KPNA3: variants seen among roughly 807,000 people sequenced by gnomAD.
KPNA3 encodes importin subunit alpha-4.
Under a neutral mutation model 73.8 loss-of-function variants are expected in KPNA3, and 13 were observed. That is an observed-to-expected ratio of 0.18 (90% CI 0.11 to 0.28). KPNA3 has a LOEUF of 0.28. Among genes scored for constraint, KPNA3 ranks in the 10% least tolerant of loss-of-function variants. The probability of loss-of-function intolerance (pLI) is 1.00; values close to 1 mark genes in which losing one functional copy is unlikely to be tolerated. For synonymous variants in KPNA3, 186 were observed against 206.9 expected (o/e 0.90, Z 0.87); for missense variants, 360 against 618.1 (o/e 0.58, Z 4.43).
intron 1 of KPNA3, among the ~76,000 whole-genome samples, chr13:49,769,106 G>C (rs1234372914): frequency 6.6e-6 from 1 of 152,092 alleles, no homozygotes. Flanking sequence ...AAAAATTAAT[G>C]TATTTTGTCC....
At chr13:49,791,963 G>C (rs572019678) in intron 1 of KPNA3, among the ~76,000 whole-genome samples, 1 of 152,354 alleles carries the variant, frequency 6.6e-6, no homozygotes, top group South Asian at 2.1e-4. Context: ...CTCGCAGAAG[G>C]TAGGAGCCCG....
At chr13:49,705,258 C>G (rs1049999379) in intron 15 of KPNA3, among the ~76,000 whole-genome samples, 4 of 151,270 alleles carry the variant, frequency 2.6e-5, no homozygotes, top group African/African-American at 9.7e-5. Context: ...ACCTGGGAGG[C>G]TGAGGTGTGA....
chr13:49,729,187 TC>T (rs1204898562), intron 6 of KPNA3, among the ~76,000 whole-genome samples: 3 of 152,122 alleles, frequency 2.0e-5, no homozygotes, highest in African/African-American at 4.8e-5. Context: ...TTTTAAAATT[TC>T]CCCTGTATAT....
At chr13:49,782,633 C>G (rs552344520) in intron 1 of KPNA3, among the ~76,000 whole-genome samples, 35 of 152,112 alleles carry the variant, frequency 2.3e-4, no homozygotes, top group Non-Finnish European at 4.1e-4. Context: ...AATCCCAGCA[C>G]TTTGGGAGGC....
rs1467162030 is a variant in KPNA3, at chr13:49,699,649, G to A, written c.*2151C>T. Reference sequence around the variant, plus strand: ...TAGTTTGCACTTTAAAACATGAGAGGAAATAGGAATCATCACAGTAGAGGC... The same window carrying A: ...TAGTTTGCACTTTAAAACATGAGAGAAAATAGGAATCATCACAGTAGAGGC... On this transcript the variant is annotated 3_prime_UTR_variant, in exon 17 of 17. Coordinates refer to ENST00000261667, the MANE Select transcript of KPNA3 (RefSeq NM_002267.4). 6.6e-6 allele frequency: 1 copy of A among 152,562 alleles called. No individual in the cohort carries two copies. The highest frequency in any genetic ancestry group is 2.4e-5 in the African/African-American group (1 of 41,434). 9.5% of individuals were successfully genotyped at this position (152,562 alleles called of 1,614,324 possible).
At chr13:49,726,760 C>T (rs940219094) in intron 6 of KPNA3, among the ~76,000 whole-genome samples, 9 of 150,518 alleles carry the variant, frequency 6.0e-5, no homozygotes, top group Admixed American at 2.0e-4. Context: ...CTGGGCAACA[C>T]GGTGAGACCC....
intron 10 of KPNA3, 72 bp from the exon 11 acceptor site, chr13:49,711,094 G>A (rs904704885): frequency 7.8e-6 from 11 of 1,406,454 alleles, no homozygotes; most frequent in Non-Finnish European, 1.0e-5. Context: ...CACACCTCAG[G>A]AGTAGTGACA....
chr13:49,737,550 AGTGT>A (rs752703696), intron 2 of KPNA3, among the ~76,000 whole-genome samples: 438 of 124,614 alleles, frequency 3.5e-3, no homozygotes, highest in Middle Eastern at 8.0e-3. Flanking sequence ...CTTACTATTA[AGTGT>A]GTGTGTCTGT....
In KPNA3 at chr13:49,754,195, C is replaced by T. The variant is rs527747152; in HGVS notation, c.70-7202G>A. Among the ~76,000 whole-genome samples, 6 of 152,042 alleles carry T rather than the reference C, an allele frequency of 3.9e-5. No homozygotes were observed. In the East Asian group the frequency reaches 9.7e-4, roughly 25 times the overall value. ...CCTGTAATCCAATCCCAGCTATTCC[C>T]GGAGGCTGAGGCAGAGAATTGCTTG... On this transcript the variant is annotated intron_variant, in intron 1 of 16. Coordinates refer to ENST00000261667, the MANE Select transcript of KPNA3 (RefSeq NM_002267.4).
intron 7 of KPNA3, 48 bp downstream of exon 7, chr13:49,725,368 T>C (rs761830501): frequency 9.5e-7 from 1 of 1,056,632 alleles, no homozygotes; most frequent in Non-Finnish European, 1.4e-6. Context: ...TCTACTTCCT[T>C]GCCATCATTA....
intron 2 of KPNA3, among the ~76,000 whole-genome samples, chr13:49,741,540 G>A (rs1345354215): frequency 1.3e-5 from 2 of 148,978 alleles, no homozygotes; most frequent in Admixed American, 1.4e-4. Context: ...TGCAAACTCC[G>A]CCTCCCAGGT....
chr13:49,787,959 C>G (rs9526603), intron 1 of KPNA3, among the ~76,000 whole-genome samples: 31,551 of 152,150 alleles, frequency 0.21, 3,645 homozygotes, highest in Middle Eastern at 0.27. Context: ...GGATTACAGG[C>G]GTTAGCCATT....
intron 10 of KPNA3, among the ~76,000 whole-genome samples, chr13:49,718,606 A>G (rs1322306164): frequency 6.6e-6 from 1 of 152,196 alleles, no homozygotes; most frequent in East Asian, 1.9e-4. Context: ...AGCAACAACT[A>G]AACTTCTGTA....
chr13:49,719,938 T>C (rs1954339851), intron 9 of KPNA3, 119 bp from the exon 10 acceptor site: 1 of 641,866 alleles, frequency 1.6e-6, no homozygotes, highest in Non-Finnish European at 2.7e-6. Context: ...CAATGTTAAA[T>C]TTGTCTGAAT....
At chr13:49,761,309 C>A (rs1294015476) in intron 1 of KPNA3, among the ~76,000 whole-genome samples, 5 of 152,166 alleles carry the variant, frequency 3.3e-5, no homozygotes, top group Non-Finnish European at 5.9e-5. Flanking sequence ...GACTGTACTG[C>A]TGCCATCTCG....
chr13:49,713,022 A>G (rs988945872), intron 10 of KPNA3, among the ~76,000 whole-genome samples: 4 of 152,028 alleles, frequency 2.6e-5, no homozygotes, highest in African/African-American at 9.7e-5. Context: ...AACAAAACCC[A>G]ATTCCACGCT....
chr13:49,777,507 A>AT (rs1199543155), intron 1 of KPNA3, among the ~76,000 whole-genome samples: 3 of 151,968 alleles, frequency 2.0e-5, no homozygotes, highest in African/African-American at 7.3e-5. Flanking sequence ...TACACTATTT[A>AT]TTTTTTTCTT....
chr13:49,749,044 G>T (rs1431987773), intron 1 of KPNA3, among the ~76,000 whole-genome samples: 1 of 152,020 alleles, frequency 6.6e-6, no homozygotes, highest in African/African-American at 2.4e-5. Flanking sequence ...TATTTTCATT[G>T]CAATATTTGC....
intron 1 of KPNA3, among the ~76,000 whole-genome samples, chr13:49,747,994 C>CCTCTA (rs1954632963): frequency 6.6e-6 from 1 of 152,132 alleles, no homozygotes; most frequent in South Asian, 2.1e-4. Context: ...CTCTATAACT[C>CCTCTA]TGAATCTTAA....
Sources: gnomAD v4.1 joint callset for allele counts (sites outside exome capture counted in the v4.1 genomes callset) on GRCh38, gnomAD v4.1.1 for gene constraint, MANE v1.5 for transcripts, NCBI Gene and HGNC (gene_info 2026-07-23, HGNC 2026-07-21) for gene names.